The following GALNT13 variants were observed in gnomAD, a reference collection of about 807,000 sequenced individuals.
GALNT13 encodes polypeptide N-acetylgalactosaminyltransferase 13.
GALNT13 carries 28 observed loss-of-function variants against 64.2 expected under a neutral mutation model. The ratio of observed to expected loss-of-function variants is 0.44; its 90% CI spans 0.32 to 0.60. The LOEUF (loss-of-function observed/expected upper bound fraction) is 0.60. GALNT13 is among the 20% of genes least tolerant of loss of function. The probability of loss-of-function intolerance (pLI) is 0.05; values close to 1 mark genes in which losing one functional copy is unlikely to be tolerated. For missense variants in GALNT13, 577 were observed against 669.8 expected, an observed-to-expected ratio of 0.86 and a Z score of 1.53; for synonymous variants, 214 against 224.6, an observed-to-expected ratio of 0.95 and a Z score of 0.42.
Position 154,200,922 on chromosome 2 carries a change from A to G in GALNT13, c.312-41108A>G, listed in dbSNP as rs147525475. ...AGAGGCTTTGGGAACTAGCCTAGAA[A>G]ATGTATATCTTATATAATTTTGTTT... On this transcript the variant is annotated intron_variant, in intron 4 of 12. Coordinates refer to ENST00000392825, the MANE Select transcript of GALNT13 (RefSeq NM_052917.4). 8.7e-3 allele frequency among the ~76,000 whole-genome samples: 1,329 copies of G among 152,274 alleles called. 20 individuals carry two copies. The highest frequency in any genetic ancestry group is 0.03 in the African/African-American group (1,246 of 41,564).
At chr2:153,364,283 A>G in the GALNT13 span, among the ~76,000 whole-genome samples, 5 of 152,198 alleles carry the variant, frequency 3.3e-5, no homozygotes, top group African/African-American at 1.2e-4. Flanking sequence ...CCAATATCAT[A>G]CTGAATTGGC....
At chr2:153,760,380 A>G in the GALNT13 span, among the ~76,000 whole-genome samples, 2 of 151,394 alleles carry the variant, frequency 1.3e-5, no homozygotes, top group East Asian at 1.9e-4. Context: ...TATTCATTTG[A>G]GATTTTTAAA....
intron 4 of GALNT13, among the ~76,000 whole-genome samples, chr2:154,235,003 G>T: frequency 6.6e-6 from 1 of 152,268 alleles, no homozygotes; most frequent in South Asian, 2.1e-4. Context: ...GGGAAAAGTA[G>T]AGAAATTCCT....
chr2:153,365,893 A>G, the GALNT13 span, among the ~76,000 whole-genome samples: 5 of 152,204 alleles, frequency 3.3e-5, no homozygotes, highest in Non-Finnish European at 5.9e-5. Context: ...ACTACTGGGT[A>G]TATACCTAAA....
chr2:154,177,127 T>G (rs984190192), intron 4 of GALNT13, among the ~76,000 whole-genome samples: 1 of 152,128 alleles, frequency 6.6e-6, no homozygotes, highest in African/African-American at 2.4e-5. Context: ...GATTTTATAT[T>G]AAAAGAATTC....
the GALNT13 span, among the ~76,000 whole-genome samples, chr2:153,594,266 G>A: frequency 4.6e-5 from 7 of 152,002 alleles, no homozygotes; most frequent in African/African-American, 1.4e-4. Context: ...TTCTAAAACT[G>A]TTCTAATAAA....
At chr2:153,079,275 C>T in the GALNT13 span, among the ~76,000 whole-genome samples, 1 of 152,094 alleles carries the variant, frequency 6.6e-6, no homozygotes, top group Non-Finnish European at 1.5e-5. Context: ...AAAATAAAAA[C>T]AGGTTAGAAA....
the GALNT13 span, among the ~76,000 whole-genome samples, chr2:153,300,926 G>A: frequency 1.8e-4 from 27 of 152,214 alleles, no homozygotes; most frequent in Admixed American, 2.6e-4. Flanking sequence ...AGTATAGGCT[G>A]GGCATGGTGG....
chr2:154,338,735 G>T (rs1203199775), intron 9 of GALNT13, among the ~76,000 whole-genome samples: 1 of 152,064 alleles, frequency 6.6e-6, no homozygotes, highest in African/African-American at 2.4e-5. Flanking sequence ...TGGTACCAGG[G>T]CCTGGGAAAT....
At chr2:154,098,842 A>G (rs1279048862) in intron 3 of GALNT13, among the ~76,000 whole-genome samples, 1 of 152,014 alleles carries the variant, frequency 6.6e-6, no homozygotes, top group East Asian at 1.9e-4. Context: ...GGTTGATTCC[A>G]TGACTTTGGT....
chr2:154,230,707 G>A (rs1333397202), intron 4 of GALNT13, among the ~76,000 whole-genome samples: 1 of 151,982 alleles, frequency 6.6e-6, no homozygotes, highest in African/African-American at 2.4e-5. Context: ...CATCAGCCTA[G>A]TGTACCCTCT....
chr2:153,986,450 A>G (rs892019757), intron 3 of GALNT13, among the ~76,000 whole-genome samples: 1 of 152,032 alleles, frequency 6.6e-6, no homozygotes, highest in African/African-American at 2.4e-5. Flanking sequence ...CACATCCGCA[A>G]TATTGATACT....
chr2:153,328,146 A>G, the GALNT13 span, among the ~76,000 whole-genome samples: 1 of 152,262 alleles, frequency 6.6e-6, no homozygotes. Flanking sequence ...CAGAACAGCA[A>G]AGATTGCTGC....
chr2:153,398,549 A>T, the GALNT13 span, among the ~76,000 whole-genome samples: 16 of 151,902 alleles, frequency 1.1e-4, 1 homozygote, highest in Admixed American at 1.0e-3. Flanking sequence ...ACAGTGTAAA[A>T]GTGTTCCTAT....
chr2:154,291,697 C>T (rs538015465), intron 8 of GALNT13, among the ~76,000 whole-genome samples: 52 of 152,332 alleles, frequency 3.4e-4, no homozygotes, highest in Non-Finnish European at 5.6e-4. Flanking sequence ...ACCTCCTGGC[C>T]AGACCAGGGA....
chr2:154,362,214 T>C (rs1046958505), intron 9 of GALNT13, among the ~76,000 whole-genome samples: 1 of 151,794 alleles, frequency 6.6e-6, no homozygotes, highest in African/African-American at 2.4e-5. Context: ...ATTTTCAGAG[T>C]GTAAAAAATG....
At chr2:154,276,192 T>C (rs1311153916) in intron 8 of GALNT13, among the ~76,000 whole-genome samples, 7 of 151,974 alleles carry the variant, frequency 4.6e-5, no homozygotes, top group Non-Finnish European at 4.4e-5. Context: ...TTTCTTTTCT[T>C]TGTTTTCTTT....
At chr2:153,579,399 T>C in the GALNT13 span, among the ~76,000 whole-genome samples, 7 of 152,174 alleles carry the variant, frequency 4.6e-5, no homozygotes, top group African/African-American at 1.7e-4. Flanking sequence ...TCAGTCGAAC[T>C]GAAGTCAATC....
chr2:153,561,968 CTTT>C, the GALNT13 span, among the ~76,000 whole-genome samples: 1 of 151,392 alleles, frequency 6.6e-6, no homozygotes, highest in Non-Finnish European at 1.5e-5. Flanking sequence ...CTTATTTCTT[CTTT>C]ACCAATTTTT....
Sources: allele counts gnomAD v4.1 joint callset (sites outside exome capture counted in the v4.1 genomes callset), GRCh38; gene constraint gnomAD v4.1.1; transcripts MANE v1.5; gene names NCBI Gene and HGNC (gene_info 2026-07-23, HGNC 2026-07-21).